LMTK3: variants seen among roughly 807,000 people sequenced by gnomAD.
LMTK3 encodes lemur tail kinase 3.
A neutral mutation model predicts 116.7 loss-of-function variants in LMTK3; 27 were observed. That is an observed-to-expected ratio of 0.23 (90% confidence interval 0.17 to 0.32). The LOEUF is 0.32. LMTK3 is among the 10% of genes least tolerant of loss of function. The pLI is 1.00. For synonymous variants in LMTK3, 965 were observed against 971.0 expected, an observed-to-expected ratio of 0.99 and a Z score of 0.11; for missense variants, 1,764 against 2,068.5, an observed-to-expected ratio of 0.85 and a Z score of 2.86.
chr19:48,487,590 C>T (rs1476197824), intron 14 of LMTK3, among the ~76,000 whole-genome samples: 1 of 152,186 alleles, frequency 6.6e-6, no homozygotes, highest in African/African-American at 2.4e-5. Context: ...GCACAAAGCA[C>T]ACCTTTTCCC....
Position 48,510,580 on chromosome 19 carries a change from A to G in LMTK3, c.89T>C (p.Leu30Pro). 1.3e-6 allele frequency: 2 copies of G among 1,586,116 alleles called. No individual in the cohort carries two copies. The highest frequency in any genetic ancestry group is 4.5e-5 in the East Asian group (2 of 44,012). Residue 30 changes from leucine (L) to proline (P), a missense_variant, in exon 2 of 15, where the codon CTG becomes CCG. This residue lies in a region of LMTK3 where 66 missense variants were observed against 61.1 expected (regional missense o/e 1.08). Transcript: ENST00000600059. ...ASPAHPDGFA[L>P]GRAPLAPPYA... ...GGGAGGAGCCAGAGGAGCCCGGCCCAGGGCGAATCCATCTGTGGGCACAGG... is the reference window on the plus strand; with the variant it reads ...GGGAGGAGCCAGAGGAGCCCGGCCCGGGGCGAATCCATCTGTGGGCACAGG...
intron 2 of LMTK3, 110 bp from the exon 3 acceptor site, chr19:48,510,283 C>T: frequency 7.0e-7 from 1 of 1,429,498 alleles, no homozygotes; most frequent in Non-Finnish European, 9.5e-7. Context: ...TCTCCCAGTC[C>T]CAGCCCAATT....
rs1368867906 is a variant in LMTK3, at chr19:48,491,595, C to A, written c.4093-56G>T. On this transcript the variant is annotated intron_variant, in intron 12 of 14. Coordinates refer to ENST00000600059, the MANE Select transcript of LMTK3 (RefSeq NM_001388485.1). This position sits in a 1 kb window ranked among gnomAD's most constrained non-coding sequence, Gnocchi z 5.1. ...GGGACAAACCTTCACGTCCCATTTA[C>A]CGCATCCCCCAAAAGCAACAAAACC... 28 of 1,281,990 alleles carry A rather than the reference C, an allele frequency of 2.2e-5. No individual in the cohort carries two copies. The highest frequency in any genetic ancestry group is 2.6e-5 in the Non-Finnish European group (26 of 1,002,914). 79.4% of individuals were successfully genotyped at this position (1,281,990 alleles called of 1,614,324 possible).
intron 5 of LMTK3, among the ~76,000 whole-genome samples, chr19:48,506,999 C>A (rs1476918589): frequency 3.9e-5 from 6 of 152,144 alleles, no homozygotes; most frequent in African/African-American, 1.4e-4. Context: ...AGGGTTTAGC[C>A]CAGGCTGGTC....
intron 14 of LMTK3, among the ~76,000 whole-genome samples, chr19:48,488,292 G>A (rs1442106409): frequency 6.6e-6 from 1 of 152,102 alleles, no homozygotes; most frequent in African/African-American, 2.4e-5. Context: ...TGAAGGAAGA[G>A]TCAGCCCCCA....
Position 48,498,850 on chromosome 19 carries a change from G to A in LMTK3, c.2219C>T (p.Ala740Val). Residue 740 changes from alanine (A) to valine (V), a missense_variant, in exon 11 of 15, where the codon GCG becomes GTG. Transcript: ENST00000600059. ...PEFLDPLMGA[A>V]APQYPGRGPP... is the part of the protein sequence containing the mutation. ...CCCCCGCCCGGGGTACTGGGGCGCCGCCGCCCCCATGAGGGGGTCCAGAAA... is the reference window on the plus strand; with the variant it reads ...CCCCCGCCCGGGGTACTGGGGCGCCACCGCCCCCATGAGGGGGTCCAGAAA... 2 of 1,174,656 alleles carry A rather than the reference G, an allele frequency of 1.7e-6. No homozygotes were observed. The highest frequency in any genetic ancestry group is 2.2e-6 in the Non-Finnish European group (2 of 929,024). 72.8% of individuals were successfully genotyped at this position (1,174,656 alleles called of 1,614,324 possible).
chr19:48,502,546 G>A lies in LMTK3; in HGVS notation c.681C>T (p.Pro227=). The A allele has an allele frequency of 6.3e-7, 1 of 1,582,036 alleles. No homozygotes were observed. The highest frequency in any genetic ancestry group is 8.6e-7 in the Non-Finnish European group (1 of 1,165,350). The change falls in exon 7 of 15, where the codon CCC becomes CCT. Residue 227 remains proline, a synonymous_variant. Transcript: ENST00000600059. The part of the protein sequence containing the change: ...DLKRYLRAQR[P]PEGLSPELPP... ...GTAGCTCAGGGGACAGGCCCTCGGG[G>A]GGCCGCTGGGCTCGGAGGTAACGCT...
intron 5 of LMTK3, among the ~76,000 whole-genome samples, chr19:48,503,366 TC>T (rs1459999011): frequency 1.3e-5 from 2 of 151,978 alleles, no homozygotes; most frequent in Non-Finnish European, 2.9e-5. Context: ...CTTTTTGATC[TC>T]AGTTTCCTCA....
rs1972322886 is a variant in LMTK3 at position 48,496,312 on chromosome 19, TTTC to T, written c.3676+1078_3676+1080del. Among the ~76,000 whole-genome samples, 2 of 150,064 alleles carry T rather than the reference TTTC, an allele frequency of 1.3e-5. 1 individual carries two copies. Among genetic ancestry groups the T allele is most frequent in the African/African-American group, 5.0e-5 (2 of 39,786 alleles). On this transcript the variant is annotated intron_variant, in intron 11 of 14. Coordinates refer to ENST00000600059, the MANE Select transcript of LMTK3 (RefSeq NM_001388485.1). ...TTTCTTTTTCTTTTCTTTTTTTTTT[TTTC>T]TGAGACAGAGTCTCGCTTTATCGCC...
rs1484564000 is a variant in LMTK3, at chr19:48,493,866, C to T, written c.3920G>A (p.Arg1307Gln). The change falls in exon 12 of 15, where the codon CGA becomes CAA. Residue 1307 changes from arginine to glutamine, a missense_variant. Physicochemically the swap from Arg to Gln is conservative, Grantham distance 43. Transcript: ENST00000600059. ...AAGPRGPGRA[R>Q]AAPVPVVVSS... Reference sequence around the variant, plus strand: ...CACCACGACGGGCACCGGGGCTGCTCGCGCCCTCCCGGGGCCCCGCGGCCC... The same window carrying T: ...CACCACGACGGGCACCGGGGCTGCTTGCGCCCTCCCGGGGCCCCGCGGCCC... 2 of 1,199,742 alleles carry T rather than the reference C, an allele frequency of 1.7e-6. No homozygotes were observed. The highest frequency in any genetic ancestry group is 2.1e-6 in the Non-Finnish European group (2 of 968,090). 74.3% of individuals were successfully genotyped at this position (1,199,742 alleles called of 1,614,324 possible).
chr19:48,510,260 A>G, intron 2 of LMTK3, 87 bp from the exon 3 acceptor site: 2 of 1,501,636 alleles, frequency 1.3e-6, no homozygotes, highest in Non-Finnish European at 9.1e-7. Context: ...TCTCCCCTTC[A>G]TTTTTGTAAC....
In LMTK3 at chr19:48,510,147, G is replaced by C; in HGVS notation, c.237C>G (p.Asp79Glu). 1.2e-6 allele frequency: 2 copies of C among 1,613,810 alleles called. No homozygotes were observed. Among genetic ancestry groups the C allele is most frequent in the Non-Finnish European group, 1.7e-6 (2 of 1,179,734 alleles). ...CAGGGGGAGTGTACTCCCCGGAGCA[G>C]TCCTCCCCTTCAGGGTTCTCAAATT... ...FKEFENPEGE[D>E]CSGEYTPPAE... The change falls in exon 3 of 15, where the codon GAC (aspartate) becomes GAG (glutamate). Residue 79 changes from aspartate to glutamate, a missense_variant. By Grantham distance (45) the Asp-to-Glu change is conservative (BLOSUM62 2). Coordinates refer to ENST00000600059, the MANE Select transcript of LMTK3 (RefSeq NM_001388485.1).
rs1601052417 is a variant in LMTK3 at position 48,501,673 on chromosome 19, ACT to A, written c.795-113_795-112del. The A allele has an allele frequency of 1.1e-5, 11 of 1,042,992 alleles. No homozygotes were observed. The East Asian group carries it at 1.6e-4, about 15-fold the overall frequency. 64.6% of individuals were successfully genotyped at this position (1,042,992 alleles called of 1,614,324 possible). On this transcript the variant is annotated intron_variant, in intron 7 of 14. Transcript: ENST00000600059. ...CCCATGACCCTGCCCCGCCACACTG[ACT>A]CTGCCCCTTCCCTCTGATCTGTCTC...
Position 48,491,373 on chromosome 19 carries a change from C to T in LMTK3, c.4228+31G>A, listed in dbSNP as rs1159228007. 3 of 1,358,330 alleles carry T rather than the reference C, an allele frequency of 2.2e-6. No homozygotes were observed. The highest frequency in any genetic ancestry group is 2.8e-6 in the Non-Finnish European group (3 of 1,052,844). The allele number at this position is 1,358,330 out of a possible 1,614,324, so 84.1% of individuals were successfully genotyped here. ...CGCCCCGTCCGCCCCATGGCTCCCG[C>T]CCCCTCCCGCCCCATAGGGCCCGTC... On this transcript the variant is annotated intron_variant, in intron 13 of 14. Coordinates refer to ENST00000600059, the MANE Select transcript of LMTK3 (RefSeq NM_001388485.1). This position sits in a 1 kb window ranked among gnomAD's most constrained non-coding sequence, Gnocchi z 5.1.
In LMTK3 at chr19:48,501,593, G is replaced by A. The variant is rs537435512; in HGVS notation, c.795-31C>T. ...GGAAGAACGCGAGGAGGTGAGCGCA[G>A]GGGCAGCCCTCCAGCCACGCCCTGA... On this transcript the variant is annotated intron_variant, in intron 7 of 14. Transcript: ENST00000600059. The A allele has an allele frequency of 1.6e-5, 25 of 1,574,990 alleles. No individual in the cohort carries two copies. In the African/African-American group the frequency reaches 2.8e-4, roughly 18 times the overall value.
chr19:48,498,310 C>T lies in LMTK3; in HGVS notation c.2759G>A (p.Ser920Asn). Residue 920 changes from serine (S) to asparagine (N), a missense_variant, in exon 11 of 15, where the codon AGC becomes AAC. Physicochemically the swap from Ser to Asn is conservative, Grantham distance 46. Transcript: ENST00000600059. Reference sequence around the variant, plus strand: ...CACTGTCACCCCGTTCACTGGGAGGCTCAGGCTTGGGGCTTGTTTCCCGTT... The same window carrying T: ...CACTGTCACCCCGTTCACTGGGAGGTTCAGGCTTGGGGCTTGTTTCCCGTT... Reference protein sequence around the residue: ...LGNGKQAPSLSLPVNGVTVLE... With the variant: ...LGNGKQAPSLNLPVNGVTVLE... 2.5e-6 allele frequency: 4 copies of T among 1,613,274 alleles called. No homozygotes were observed. The highest frequency in any genetic ancestry group is 2.5e-6 in the Non-Finnish European group (3 of 1,179,666).
intron 14 of LMTK3, among the ~76,000 whole-genome samples, chr19:48,487,071 G>A (rs1972138180): frequency 7.5e-6 from 1 of 133,586 alleles, no homozygotes. Flanking sequence ...GTCTTATTCT[G>A]TCGCCCAGGC....
Position 48,501,032 on chromosome 19 carries a change from G to A in LMTK3, c.1115C>T (p.Ala372Val). 6.5e-7 allele frequency: 1 copy of A among 1,539,276 alleles called. No individual in the cohort carries two copies. Among genetic ancestry groups the A allele is most frequent in the South Asian group, 1.3e-5 (1 of 79,992 alleles). The change falls in exon 10 of 15, where the codon GCC (alanine) becomes GTC (valine). Residue 372 changes from alanine (A) to valine (V), a missense_variant. Coordinates refer to ENST00000600059, the MANE Select transcript of LMTK3 (RefSeq NM_001388485.1). Reference protein sequence around the residue: ...FVVRQQHVKLARPRLKLPYAD... With the variant: ...FVVRQQHVKLVRPRLKLPYAD... Reference sequence around the variant, plus strand: ...GTAAGGCAGCTTGAGCCTCGGCCGGGCCAGCTTCACATGCTGCTGGCGGAC... The same window carrying A: ...GTAAGGCAGCTTGAGCCTCGGCCGGACCAGCTTCACATGCTGCTGGCGGAC...
chr19:48,505,103 CTTTT>C (rs33927563), intron 5 of LMTK3, among the ~76,000 whole-genome samples: 34 of 55,566 alleles, frequency 6.1e-4, no homozygotes, highest in African/African-American at 2.7e-3. Flanking sequence ...CTCTCTCTCT[CTTTT>C]TTTTTTTTTT....
Sources: allele counts gnomAD v4.1 joint callset (sites outside exome capture counted in the v4.1 genomes callset), GRCh38; gene constraint gnomAD v4.1.1; regional missense constraint gnomAD v4.1.1; non-coding constraint Gnocchi (gnomAD v3.1); transcripts MANE v1.5; gene names NCBI Gene and HGNC (gene_info 2026-07-23, HGNC 2026-07-21).